The following UNC79 variants were observed in gnomAD, a reference collection of about 807,000 sequenced individuals.
UNC79 encodes protein unc-79 homolog.
UNC79 carries 37 observed loss-of-function variants against 283.1 expected under a neutral mutation model. The ratio of observed to expected loss-of-function variants is 0.13; its 90% CI spans 0.10 to 0.17. UNC79 has a LOEUF of 0.17. Ranked by LOEUF, UNC79 falls within the 10% of genes least tolerant of loss-of-function variation. The probability of loss-of-function intolerance (pLI) is 1.00; values close to 1 mark genes in which losing one functional copy is unlikely to be tolerated. For missense variants in UNC79, 2,272 were observed against 3,211.1 expected, an observed-to-expected ratio of 0.71 and a Z score of 7.07; for synonymous variants, 1,107 against 1,200.2, an observed-to-expected ratio of 0.92 and a Z score of 1.61.
At chr14:93,574,165 T>A (rs1250893940) in intron 16 of UNC79, among the ~76,000 whole-genome samples, 1 of 150,128 alleles carries the variant, frequency 6.7e-6, no homozygotes, top group Non-Finnish European at 1.5e-5. Context: ...GCCCTTACAC[T>A]GTGCTCTTTG....
intron 1 of UNC79, among the ~76,000 whole-genome samples, chr14:93,365,271 A>G (rs1212660819): frequency 1.3e-5 from 2 of 151,590 alleles, no homozygotes; most frequent in African/African-American, 4.8e-5. Context: ...CTATAATCCC[A>G]GCTACTTGAA....
intron 1 of UNC79, chr14:93,347,125 G>A: frequency 1.2e-6 from 1 of 867,270 alleles, no homozygotes; most frequent in Non-Finnish European, 1.7e-6. Flanking sequence ...GGCAGAAGGG[G>A]TGGGGTAGGG....
At chr14:93,704,063 C>T (rs2075708966) in intron 47 of UNC79, among the ~76,000 whole-genome samples, 2 of 152,166 alleles carry the variant, frequency 1.3e-5, no homozygotes, top group South Asian at 4.1e-4. Flanking sequence ...AGCAGAGGGC[C>T]AGGGTTCTCC....
At chr14:93,366,934 A>G (rs972329162) in intron 1 of UNC79, among the ~76,000 whole-genome samples, 1 of 152,148 alleles carries the variant, frequency 6.6e-6, no homozygotes, top group African/African-American at 2.4e-5. Context: ...ATTCTTAACC[A>G]AAAGACAGTA....
intron 1 of UNC79, among the ~76,000 whole-genome samples, chr14:93,343,716 T>C (rs1277449309): frequency 6.6e-6 from 1 of 152,198 alleles, no homozygotes; most frequent in Non-Finnish European, 1.5e-5. Flanking sequence ...ATTTAGAGCA[T>C]GAATATTTAT....
intron 35 of UNC79, among the ~76,000 whole-genome samples, chr14:93,648,977 A>G (rs1456909531): frequency 1.3e-5 from 2 of 152,300 alleles, no homozygotes; most frequent in South Asian, 4.1e-4. Flanking sequence ...GTGCGTGTGT[A>G]TAGCATGTAG....
At chr14:93,406,284 T>C (rs1268894215) in intron 1 of UNC79, among the ~76,000 whole-genome samples, 1 of 152,178 alleles carries the variant, frequency 6.6e-6, no homozygotes, top group Non-Finnish European at 1.5e-5. Context: ...GAGGATTCTT[T>C]AGAAAATCTA....
At chr14:93,571,916 C>A in exon 15 of UNC79, 2 of 1,613,986 alleles carry the variant, frequency 1.2e-6, no homozygotes, top group Non-Finnish European at 1.7e-6. Flanking sequence ...TGGGATAAGT[C>A]CTGTAGCACA....
chr14:93,355,303 ACT>A, intron 1 of UNC79, among the ~76,000 whole-genome samples: 1 of 151,346 alleles, frequency 6.6e-6, no homozygotes, highest in Non-Finnish European at 1.5e-5. Context: ...TTTCAAGCAG[ACT>A]CTCCTGCCTC....
At chr14:93,438,853 A>G (rs1170659274) in intron 1 of UNC79, among the ~76,000 whole-genome samples, 2 of 152,022 alleles carry the variant, frequency 1.3e-5, no homozygotes, top group African/African-American at 2.4e-5. Context: ...ACTCTTTCTA[A>G]GAACATGGTA....
At chr14:93,476,863 T>C (rs1204844767) in intron 3 of UNC79, among the ~76,000 whole-genome samples, 1 of 152,242 alleles carries the variant, frequency 6.6e-6, no homozygotes, top group African/African-American at 2.4e-5. Context: ...ATATTAGTAA[T>C]AACAGCTAAT....
exon 8 of UNC79, chr14:93,524,002 A>G (rs2060437700): frequency 6.2e-7 from 1 of 1,614,036 alleles, no homozygotes; most frequent in Non-Finnish European, 8.5e-7. Flanking sequence ...CACTGCCAGC[A>G]CATTGAATGC....
intron 1 of UNC79, among the ~76,000 whole-genome samples, chr14:93,343,392 T>C (rs921162576): frequency 6.6e-6 from 1 of 152,252 alleles, no homozygotes; most frequent in Non-Finnish European, 1.5e-5. Context: ...TGTTGCCAGT[T>C]GCAGAACTTG....
intron 14 of UNC79, among the ~76,000 whole-genome samples, chr14:93,560,821 A>C (rs1212444894): frequency 6.6e-6 from 1 of 152,274 alleles, no homozygotes; most frequent in East Asian, 1.9e-4. Flanking sequence ...GGTGTCTTGT[A>C]CCCAGACTCC....
At chr14:93,568,385 T>C (rs1166502670) in intron 14 of UNC79, among the ~76,000 whole-genome samples, 1 of 151,824 alleles carries the variant, frequency 6.6e-6, no homozygotes, top group African/African-American at 2.4e-5. Flanking sequence ...TAAAACTTAC[T>C]AGTTTAGGCC....
At chr14:93,538,917 T>A (rs1314962553) in intron 12 of UNC79, among the ~76,000 whole-genome samples, 2 of 151,896 alleles carry the variant, frequency 1.3e-5, no homozygotes, top group Admixed American at 1.3e-4. Context: ...TTTTGTTTTG[T>A]TTTGAGACAG....
intron 42 of UNC79, among the ~76,000 whole-genome samples, chr14:93,683,481 TGTG>T (rs1566918786): frequency 6.6e-6 from 1 of 152,090 alleles, no homozygotes; most frequent in African/African-American, 2.4e-5. Flanking sequence ...TGATGGGAAA[TGTG>T]GTCTAGTTGT....
intron 1 of UNC79, among the ~76,000 whole-genome samples, chr14:93,451,135 A>G (rs1351731175): frequency 6.6e-6 from 1 of 151,450 alleles, no homozygotes; most frequent in African/African-American, 2.4e-5. Flanking sequence ...TTTTTAAGAT[A>G]AAGTTTTCCT....
intron 14 of UNC79, among the ~76,000 whole-genome samples, chr14:93,561,425 G>T (rs1342458735): frequency 6.6e-6 from 1 of 152,164 alleles, no homozygotes; most frequent in Non-Finnish European, 1.5e-5. Flanking sequence ...TTCTTCAGGA[G>T]GGTAAAGGTG....
Sources: allele counts gnomAD v4.1 joint callset (sites outside exome capture counted in the v4.1 genomes callset), GRCh38; gene constraint gnomAD v4.1.1; transcripts MANE v1.5; gene names NCBI Gene and HGNC (gene_info 2026-07-23, HGNC 2026-07-21).